The following PPP1R11 variants were observed in gnomAD, a reference collection of about 807,000 sequenced individuals.
PPP1R11 encodes E3 ubiquitin-protein ligase PPP1R11.
In PPP1R11, 10 loss-of-function variants were observed where a neutral mutation model predicts 11.3. That is an observed-to-expected ratio of 0.88 (90% CI 0.55 to 1.50). PPP1R11 has a LOEUF of 1.50. Among genes scored for constraint, PPP1R11 ranks in the 40% most tolerant of loss-of-function variants. PPP1R11 has a pLI of 0.00. For synonymous variants in PPP1R11, 56 were observed against 62.3 expected (o/e 0.90, Z 0.48); for missense variants, 114 against 179.1 (o/e 0.64, Z 2.07).
chr6:30,061,327 C>T, the PPP1R11 span: 3 of 569,982 alleles, frequency 5.3e-6, no homozygotes, highest in Non-Finnish European at 9.0e-6. The surrounding 1 kb of genome is among the most constrained non-coding windows in gnomAD (Gnocchi z 5.0). Context: ...GAAAGGGTTC[C>T]AAGTCCTTTA....
the PPP1R11 span, chr6:30,061,436 T>G: frequency 1.3e-6 from 2 of 1,496,718 alleles, no homozygotes; most frequent in African/African-American, 1.4e-5. The surrounding 1 kb of genome is among the most constrained non-coding windows in gnomAD (Gnocchi z 5.0). Context: ...TACTCCTAGG[T>G]CCTGGGACAG....
chr6:30,063,008 A>G (rs2127294249), upstream of PPP1R11, among the ~76,000 whole-genome samples: 1 of 152,018 alleles, frequency 6.6e-6, no homozygotes. This position sits in a 1 kb window ranked among gnomAD's most constrained non-coding sequence, Gnocchi z 4.1. Context: ...TTAGTCACAC[A>G]TGACTTAGAG....
In PPP1R11 at chr6:30,068,587, T is replaced by C. The variant is rs1765702450; in HGVS notation, c.70-3T>C. 5 of 1,611,146 alleles carry C rather than the reference T, an allele frequency of 3.1e-6. No individual in the cohort carries two copies. The highest frequency in any genetic ancestry group is 2.2e-5 in the South Asian group (2 of 90,980). On this transcript the variant is annotated splice_polypyrimidine_tract_variant and splice_region_variant and intron_variant, in intron 1 of 2. Transcript: ENST00000376772. Reference sequence around the variant, plus strand: ...ATAGGTATGCTCATCCTTAACCTTCTAGGAGAACCGGAGCCTTACCATCAA... The same window carrying C: ...ATAGGTATGCTCATCCTTAACCTTCCAGGAGAACCGGAGCCTTACCATCAA...
chr6:30,067,817 A>G (rs1334147402), intron 1 of PPP1R11, among the ~76,000 whole-genome samples: 1 of 152,162 alleles, frequency 6.6e-6, no homozygotes, highest in East Asian at 1.9e-4. Context: ...GTAAGAAAGC[A>G]TGGTTGGAGG....
At position 30,069,101 on chromosome 6, in the gene PPP1R11, T is replaced by C. The variant is rs772799628; in HGVS notation, c.179-3T>C. ...TTAACTGGGCTCCTCCCTCTAAATCTAGGCTGCTGTATTTATGAGAAACCT... is the reference window on the plus strand; with the variant it reads ...TTAACTGGGCTCCTCCCTCTAAATCCAGGCTGCTGTATTTATGAGAAACCT... On this transcript the variant is annotated splice_region_variant and splice_polypyrimidine_tract_variant and intron_variant, in intron 2 of 2. Transcript: ENST00000376772. The surrounding 1 kb of genome is among the most constrained non-coding windows in gnomAD (Gnocchi z 6.6). 6.3e-7 allele frequency: 1 copy of C among 1,596,232 alleles called. No homozygotes were observed. Among genetic ancestry groups the C allele is most frequent in the East Asian group, 2.2e-5 (1 of 44,800 alleles).
At chr6:30,062,543 A>ATT (rs9278553), upstream of PPP1R11, among the ~76,000 whole-genome samples, 122 of 65,000 alleles carry the variant, frequency 1.9e-3, 3 homozygotes, top group South Asian at 6.1e-3. Flanking sequence ...ACCTTTTAGG[A>ATT]TTTTTTTTTT....
the PPP1R11 span, chr6:30,061,419 G>C: frequency 1.5e-6 from 2 of 1,355,072 alleles, no homozygotes; most frequent in Non-Finnish European, 2.0e-6. This position sits in a 1 kb window ranked among gnomAD's most constrained non-coding sequence, Gnocchi z 5.0. Context: ...GGAGGGTTCG[G>C]GTTATATACT....
At chr6:30,064,150 C>T (rs1271072021), upstream of PPP1R11, among the ~76,000 whole-genome samples, 2 of 152,146 alleles carry the variant, frequency 1.3e-5, no homozygotes, top group Non-Finnish European at 2.9e-5. Flanking sequence ...ACTTCCCTGT[C>T]TGGATTTCTG....
At chr6:30,061,629 G>C in the PPP1R11 span, 1 of 1,613,052 alleles carries the variant, frequency 6.2e-7, no homozygotes, top group Non-Finnish European at 8.5e-7. This position sits in a 1 kb window ranked among gnomAD's most constrained non-coding sequence, Gnocchi z 5.0. Flanking sequence ...CTCAGGATAC[G>C]GTCACCTGTA....
At chr6:30,067,127 A>G, upstream of PPP1R11, 1 of 430,046 alleles carries the variant, frequency 2.3e-6, no homozygotes, top group Non-Finnish European at 4.2e-6. Context: ...TTACGGCGGA[A>G]CTAATCCAGC....
At chr6:30,065,773 T>C (rs1208010119), upstream of PPP1R11, among the ~76,000 whole-genome samples, 1 of 152,152 alleles carries the variant, frequency 6.6e-6, no homozygotes, top group Non-Finnish European at 1.5e-5. The surrounding 1 kb of genome is among the most constrained non-coding windows in gnomAD (Gnocchi z 5.3). Flanking sequence ...ATATCTGTGC[T>C]TGTGTATATG....
At chr6:30,061,845 G>A (rs1765101163), upstream of PPP1R11, 1 of 1,577,480 alleles carries the variant, frequency 6.3e-7, no homozygotes, top group Non-Finnish European at 8.7e-7. This position sits in a 1 kb window ranked among gnomAD's most constrained non-coding sequence, Gnocchi z 5.0. Context: ...TAACCAGCCA[G>A]GGGAAAGGGG....
chr6:30,063,720 T>G (rs760420357), upstream of PPP1R11, among the ~76,000 whole-genome samples: 5 of 152,144 alleles, frequency 3.3e-5, no homozygotes, highest in Non-Finnish European at 5.9e-5. This position sits in a 1 kb window ranked among gnomAD's most constrained non-coding sequence, Gnocchi z 4.1. Context: ...TTTGAGGCCT[T>G]GGGCGAGTGC....
chr6:30,067,040 T>C (rs1319226856), upstream of PPP1R11: 2 of 252,922 alleles, frequency 7.9e-6, no homozygotes, highest in Non-Finnish European at 1.6e-5. Flanking sequence ...AGACTCTCCC[T>C]CCTCCACCCA....
At chr6:30,064,778 C>A, upstream of PPP1R11, 1 of 1,312,440 alleles carries the variant, frequency 7.6e-7, no homozygotes, top group Non-Finnish European at 1.1e-6. Context: ...CTTGTCCATC[C>A]TGTCTGGTTG....
At chr6:30,064,843 C>T (rs1765380952), upstream of PPP1R11, 5 of 598,976 alleles carry the variant, frequency 8.3e-6, no homozygotes, top group South Asian at 2.4e-5. Flanking sequence ...TACCATTGTT[C>T]CTGGAGTACT....
At chr6:30,067,531 G>A (rs1330663793) in intron 1 of PPP1R11, 52 bp downstream of exon 1, 5 of 1,572,892 alleles carry the variant, frequency 3.2e-6, no homozygotes, top group Non-Finnish European at 3.5e-6. Context: ...GATACTGGGA[G>A]GGAGGGGACA....
Position 30,069,395 on chromosome 6 carries a change from TGCCTG to T in PPP1R11, c.*90_*94del. The T allele has an allele frequency of 9.6e-7, 1 of 1,043,816 alleles. No homozygotes were observed. The highest frequency in any genetic ancestry group is 1.6e-5 in the African/African-American group (1 of 62,338). 64.7% of individuals were successfully genotyped at this position (1,043,816 alleles called of 1,614,324 possible). A position where few individuals can be genotyped will look rare whatever the true frequency, so the allele number is the denominator to read the frequency against. ...TCCAGCCCCCTCCTTCCCTCTCTTC[TGCCTG>T]ATAGAGGGAAGAGGAAGAGGAGGAC... On this transcript the variant is annotated 3_prime_UTR_variant, in exon 3 of 3. Coordinates refer to ENST00000376772, the MANE Select transcript of PPP1R11 (RefSeq NM_021959.3). The surrounding 1 kb of genome is among the most constrained non-coding windows in gnomAD (Gnocchi z 6.6).
upstream of PPP1R11, chr6:30,064,699 CT>C: frequency 1.9e-6 from 3 of 1,608,042 alleles, no homozygotes; most frequent in Non-Finnish European, 1.7e-6. Flanking sequence ...GACTCTTGAC[CT>C]TTTTCCTGGG....
Sources: gnomAD v4.1 joint callset for allele counts (sites outside exome capture counted in the v4.1 genomes callset) on GRCh38, gnomAD v4.1.1 for gene constraint, Gnocchi (gnomAD v3.1) non-coding constraint, MANE v1.5 for transcripts, NCBI Gene and HGNC (gene_info 2026-07-23, HGNC 2026-07-21) for gene names.